Variants in RBMS3 observed in about 807,000 individuals in gnomAD.
RBMS3 encodes the protein RNA-binding motif, single-stranded-interacting protein 3.
RBMS3 carries 27 observed loss-of-function variants against 66.8 expected under a neutral mutation model. The ratio of observed to expected loss-of-function variants is 0.40; its 90% CI spans 0.30 to 0.56. The LOEUF (loss-of-function observed/expected upper bound fraction) is 0.56. Ranked by LOEUF, RBMS3 falls within the 20% of genes least tolerant of loss-of-function variation. RBMS3 has a pLI of 0.40. For missense variants in RBMS3, 513 were observed against 549.5 expected (o/e 0.93, Z 0.66); for synonymous variants, 188 against 183.0 (o/e 1.03, Z -0.22).
rs2034577245 is a variant in RBMS3, at chr3:29,314,752, A to G, written c.75+32996A>G. On this transcript the variant is annotated intron_variant, in intron 1 of 14. Coordinates refer to ENST00000383767, the MANE Select transcript of RBMS3 (RefSeq NM_001003793.3). ...ATTTAAGTATTTAAATTGTGTCCCA[A>G]TTTGGGTCATATGAAGTGAAGCAAA... Among the ~76,000 whole-genome samples the G allele has an allele frequency of 1.3e-5, 2 of 151,748 alleles. 1 individual carries two copies. The highest frequency in any genetic ancestry group is 4.8e-5 in the African/African-American group (2 of 41,364).
chr3:29,361,319 C>T (rs2037571443), intron 1 of RBMS3, among the ~76,000 whole-genome samples: 1 of 151,352 alleles, frequency 6.6e-6, no homozygotes, highest in African/African-American at 2.5e-5. Flanking sequence ...CTTAGTTTGG[C>T]TGGATATGAA....
chr3:29,696,750 G>A (rs942121654), intron 4 of RBMS3, among the ~76,000 whole-genome samples: 3 of 152,232 alleles, frequency 2.0e-5, no homozygotes, highest in East Asian at 1.9e-4. Context: ...GATAGATGGC[G>A]ATCGGGACAA....
In RBMS3 at chr3:29,784,075, G is replaced by A. The variant is rs369454685; in HGVS notation, c.637+21086G>A. Among the ~76,000 whole-genome samples the A allele has an allele frequency of 1.7e-4, 26 of 152,152 alleles. No homozygotes were observed. In the South Asian group the frequency reaches 5.2e-3, roughly 30 times the overall value. On this transcript the variant is annotated intron_variant, in intron 6 of 14. Transcript: ENST00000383767. ...GATTACTACTAGATCTAAGACATGA[G>A]ATAGAAGGCAACACAATAATAGTGG... is the stretch of plus-strand genomic sequence containing the variant.
At chr3:29,974,854 A>T (rs551561327) in intron 12 of RBMS3, among the ~76,000 whole-genome samples, 548 of 144,140 alleles carry the variant, frequency 3.8e-3, no homozygotes, top group African/African-American at 0.013. Context: ...TTTATATATA[A>T]AATACGTTTC....
At chr3:29,709,154 A>G (rs1206176146) in intron 4 of RBMS3, among the ~76,000 whole-genome samples, 2 of 152,186 alleles carry the variant, frequency 1.3e-5, no homozygotes, top group African/African-American at 2.4e-5. Context: ...CTTAATACAC[A>G]TGACTCCCTC....
At chr3:29,688,699 C>T (rs1022143047) in intron 4 of RBMS3, among the ~76,000 whole-genome samples, 3 of 149,232 alleles carry the variant, frequency 2.0e-5, no homozygotes, top group African/African-American at 7.4e-5. Context: ...TCTCTCACAT[C>T]AGCCTCCTAA....
At chr3:29,511,051 C>A (rs779256619) in intron 3 of RBMS3, among the ~76,000 whole-genome samples, 6 of 152,220 alleles carry the variant, frequency 3.9e-5, no homozygotes, top group African/African-American at 1.4e-4. Flanking sequence ...GTAATCCCAA[C>A]ACTTTGGGAG....
At chr3:29,320,003 G>A (rs1166173159) in intron 1 of RBMS3, among the ~76,000 whole-genome samples, 1 of 151,982 alleles carries the variant, frequency 6.6e-6, no homozygotes, top group Non-Finnish European at 1.5e-5. Flanking sequence ...CCATAACAAT[G>A]TTTGAGATCA....
chr3:29,883,356 C>A (rs1199787932), intron 7 of RBMS3, among the ~76,000 whole-genome samples: 1 of 152,082 alleles, frequency 6.6e-6, no homozygotes, highest in Non-Finnish European at 1.5e-5. Context: ...CCTTTCCAAG[C>A]TTCAGTGTCT....
At chr3:29,728,973 G>A (rs2054004549) in intron 4 of RBMS3, among the ~76,000 whole-genome samples, 1 of 151,954 alleles carries the variant, frequency 6.6e-6, no homozygotes, top group African/African-American at 2.4e-5. Context: ...TTCACTTTAT[G>A]TGTTAAATAT....
At chr3:29,341,999 A>G (rs1264276720) in intron 1 of RBMS3, among the ~76,000 whole-genome samples, 2 of 152,134 alleles carry the variant, frequency 1.3e-5, no homozygotes, top group African/African-American at 4.8e-5. Flanking sequence ...GATCTTCATA[A>G]AACATCATGT....
chr3:29,644,799 T>G (rs988066450), intron 4 of RBMS3, among the ~76,000 whole-genome samples: 2 of 152,182 alleles, frequency 1.3e-5, no homozygotes, highest in African/African-American at 4.8e-5. Flanking sequence ...TTATCGATGG[T>G]TCCATGAACC....
rs550218974 is a variant in RBMS3 at position 29,405,827 on chromosome 3, A to T, written c.76-28916A>T. ...TGTATTTGGTTGTTTTGGTTGTATGATTTGCCACTATCTGGGAAAGGTGGA... is the reference window on the plus strand; with the variant it reads ...TGTATTTGGTTGTTTTGGTTGTATGTTTTGCCACTATCTGGGAAAGGTGGA... On this transcript the variant is annotated intron_variant, in intron 1 of 14. Coordinates refer to ENST00000383767, the MANE Select transcript of RBMS3 (RefSeq NM_001003793.3). Among the ~76,000 whole-genome samples the T allele has an allele frequency of 3.9e-5, 6 of 152,228 alleles. No individual in the cohort carries two copies. In the South Asian group the frequency reaches 1.2e-3, roughly 32 times the overall value.
intron 1 of RBMS3, among the ~76,000 whole-genome samples, chr3:29,353,534 A>G (rs1184955979): frequency 6.6e-6 from 1 of 151,950 alleles, no homozygotes; most frequent in African/African-American, 2.4e-5. Context: ...AGGAAGGAAG[A>G]TTTTGTAATC....
At chr3:29,903,578 A>G (rs1339895386) in intron 10 of RBMS3, among the ~76,000 whole-genome samples, 1 of 151,990 alleles carries the variant, frequency 6.6e-6, no homozygotes, top group East Asian at 1.9e-4. Flanking sequence ...GTTCCAATAC[A>G]TTGGATATTT....
intron 4 of RBMS3, 22 bp downstream of exon 4, chr3:29,587,227 G>GTTTTTTTGTTT: frequency 4.7e-6 from 1 of 212,124 alleles, no homozygotes; most frequent in Non-Finnish European, 6.8e-6. Flanking sequence ...GTTTAGGGGT[G>GTTTTTTTGTTT]TTTTTTTTTT....
At chr3:29,685,563 G>A (rs1217233890) in intron 4 of RBMS3, among the ~76,000 whole-genome samples, 2 of 152,012 alleles carry the variant, frequency 1.3e-5, no homozygotes, top group African/African-American at 2.4e-5. Context: ...AACAAGTTCC[G>A]GTTTCCTCCT....
At chr3:29,669,862 T>C (rs1196958881) in intron 4 of RBMS3, among the ~76,000 whole-genome samples, 1 of 152,222 alleles carries the variant, frequency 6.6e-6, no homozygotes, top group Non-Finnish European at 1.5e-5. Context: ...ATAACTTTGA[T>C]TCAGCTAGCA....
intron 11 of RBMS3, among the ~76,000 whole-genome samples, chr3:29,937,532 C>T (rs192944848): frequency 6.6e-6 from 1 of 151,950 alleles, no homozygotes; most frequent in African/African-American, 2.4e-5. Context: ...GAAAGAGCCA[C>T]ATTCTTTCAA....
Sources: gnomAD v4.1 joint callset for allele counts (sites outside exome capture counted in the v4.1 genomes callset) on GRCh38, gnomAD v4.1.1 for gene constraint, MANE v1.5 for transcripts, NCBI Gene and HGNC (gene_info 2026-07-23, HGNC 2026-07-21) for gene names.